Variants in CSNK1G1 observed in about 807,000 individuals in gnomAD.
The protein encoded by CSNK1G1 is casein kinase 1 gamma 1.
A neutral mutation model predicts 59.6 loss-of-function variants in CSNK1G1; 22 were observed. That is an observed-to-expected ratio of 0.37 (90% CI 0.26 to 0.53). The LOEUF is 0.53. CSNK1G1 is among the 20% of genes least tolerant of loss of function. The pLI, the probability that CSNK1G1 is intolerant of heterozygous loss-of-function variation, is 0.89. For synonymous variants in CSNK1G1, 179 were observed against 177.1 expected (o/e 1.01, Z -0.08); for missense variants, 384 against 519.5 (o/e 0.74, Z 2.54).
At chr15:64,285,367 C>T (rs1894352860) in intron 2 of CSNK1G1, among the ~76,000 whole-genome samples, 1 of 151,454 alleles carries the variant, frequency 6.6e-6, no homozygotes, top group Admixed American at 6.6e-5. Context: ...TATTGCCTAC[C>T]AAAAAAAATT....
chr15:64,269,075 A>C (rs1893138661), intron 2 of CSNK1G1, among the ~76,000 whole-genome samples: 1 of 152,202 alleles, frequency 6.6e-6, no homozygotes, highest in African/African-American at 2.4e-5. Flanking sequence ...ACCAAAAAAA[A>C]AGGGTAATTA....
intron 4 of CSNK1G1, among the ~76,000 whole-genome samples, chr15:64,236,611 G>A (rs2082620050): frequency 6.6e-6 from 1 of 152,202 alleles, no homozygotes; most frequent in Non-Finnish European, 1.5e-5. Context: ...ACTGCAGTCA[G>A]AACGGCTACT....
At chr15:64,172,363 A>T (rs1465664858) in intron 11 of CSNK1G1, among the ~76,000 whole-genome samples, 1 of 151,894 alleles carries the variant, frequency 6.6e-6, no homozygotes, top group South Asian at 2.1e-4. Flanking sequence ...TACATTGTCT[A>T]CTCCTTGATA....
chr15:64,189,561 C>T (rs2140225680), intron 10 of CSNK1G1: 1 of 916,182 alleles, frequency 1.1e-6, no homozygotes, highest in Non-Finnish European at 1.4e-6. Flanking sequence ...CTGATATAAA[C>T]AGCTGCAGGG....
chr15:64,245,023 C>T (rs1263481947), intron 4 of CSNK1G1, among the ~76,000 whole-genome samples: 1 of 152,046 alleles, frequency 6.6e-6, no homozygotes, highest in Non-Finnish European at 1.5e-5. Context: ...GTGCCAAGAA[C>T]ATTCAGTAGG....
intron 2 of CSNK1G1, among the ~76,000 whole-genome samples, chr15:64,284,666 C>A (rs61052947): frequency 0.13 from 19,238 of 151,574 alleles, 2,117 homozygotes; most frequent in African/African-American, 0.3. Flanking sequence ...ATGATCTATC[C>A]CCAGAAACAT....
At position 64,300,720 on chromosome 15, in the gene CSNK1G1, T is replaced by A. The variant is rs1360928437; in HGVS notation, c.-221A>T. 2.5e-5 allele frequency: 31 copies of A among 1,238,822 alleles called. 1 individual carries two copies. Among genetic ancestry groups the A allele is most frequent in the Non-Finnish European group, 3.0e-5 (30 of 990,930 alleles). The allele number at this position is 1,238,822 out of a possible 1,614,324, so 76.7% of individuals were successfully genotyped here. A position where few individuals can be genotyped will look rare whatever the true frequency, so the allele number is the denominator to read the frequency against. On this transcript the variant is annotated 5_prime_UTR_variant, in exon 2 of 12. Coordinates refer to ENST00000303052, the MANE Select transcript of CSNK1G1 (RefSeq NM_022048.5). ...GTCTCAATCTTAGGTGAACATCTTG[T>A]AACCTAGGTAAAAATCAAGAAAACA...
chr15:64,203,206 A>G lies in CSNK1G1; in HGVS notation c.1000-17T>C. On this transcript the variant is annotated splice_polypyrimidine_tract_variant and intron_variant, in intron 9 of 11. Coordinates refer to ENST00000303052, the MANE Select transcript of CSNK1G1 (RefSeq NM_022048.5). ...TGGAGTAGGCTAGAAAAATGAAACA[A>G]AAAGTCAAATGGGGGAAACAGGTCC... 6.4e-7 allele frequency: 1 copy of G among 1,574,174 alleles called. No individual in the cohort carries two copies.
chr15:64,228,616 C>T (rs933932061), intron 4 of CSNK1G1, among the ~76,000 whole-genome samples: 1 of 152,068 alleles, frequency 6.6e-6, no homozygotes, highest in Non-Finnish European at 1.5e-5. Context: ...AGCCTGGCAA[C>T]ACAGCAAGAC....
intron 10 of CSNK1G1, among the ~76,000 whole-genome samples, chr15:64,187,260 C>G (rs1440276676): frequency 6.6e-6 from 1 of 151,954 alleles, no homozygotes; most frequent in Non-Finnish European, 1.5e-5. Context: ...GGCATGATCT[C>G]GGCTCACTGC....
At chr15:64,298,058 G>C (rs765447589) in intron 2 of CSNK1G1, among the ~76,000 whole-genome samples, 3 of 152,164 alleles carry the variant, frequency 2.0e-5, no homozygotes, top group Non-Finnish European at 4.4e-5. Context: ...CTGACTACAG[G>C]CAAGTCCAAA....
At chr15:64,180,820 T>C (rs1055562291) in intron 10 of CSNK1G1, among the ~76,000 whole-genome samples, 5 of 152,226 alleles carry the variant, frequency 3.3e-5, no homozygotes, top group Admixed American at 2.6e-4. Flanking sequence ...TGAGGAAAAT[T>C]TGTTCTAAAC....
In CSNK1G1 at chr15:64,213,960, T is replaced by A; in HGVS notation, c.609A>T (p.Ile203=). The stretch of plus-strand genomic sequence containing the variant: ...TTAAACTTTTGTGTTCCCTATAAGG[T>A]ATGTGTTTTTTGGTTTCGGGGTCAA... ...EYIDPETKKH[I]PYREHKSLTG... Residue 203 remains isoleucine (I), a synonymous_variant, in exon 6 of 12, where the codon ATA becomes ATT. Coordinates refer to ENST00000303052, the MANE Select transcript of CSNK1G1 (RefSeq NM_022048.5). 6.2e-7 allele frequency: 1 copy of A among 1,614,126 alleles called. No homozygotes were observed. Among genetic ancestry groups the A allele is most frequent in the Non-Finnish European group, 8.5e-7 (1 of 1,180,002 alleles).
At chr15:64,219,171 T>TC (rs2082353138) in intron 4 of CSNK1G1, among the ~76,000 whole-genome samples, 1 of 152,112 alleles carries the variant, frequency 6.6e-6, no homozygotes, top group African/African-American at 2.4e-5. Flanking sequence ...AGTCTTTTTT[T>TC]CCCGGTTGTT....
intron 1 of CSNK1G1, among the ~76,000 whole-genome samples, chr15:64,309,049 G>A (rs1162997872): frequency 6.6e-6 from 1 of 152,070 alleles, no homozygotes; most frequent in Admixed American, 6.6e-5. Context: ...CTGGACCTGG[G>A]TCCTCCTTTA....
At chr15:64,209,228 G>GT (rs1256746287) in intron 6 of CSNK1G1, among the ~76,000 whole-genome samples, 1 of 152,136 alleles carries the variant, frequency 6.6e-6, no homozygotes, top group Non-Finnish European at 1.5e-5. Flanking sequence ...TCAGAATCAA[G>GT]TTTAGGGCTT....
At chr15:64,228,387 C>G (rs1039634880) in intron 4 of CSNK1G1, among the ~76,000 whole-genome samples, 8 of 152,244 alleles carry the variant, frequency 5.3e-5, no homozygotes, top group African/African-American at 1.9e-4. Context: ...GTGGCTCACG[C>G]CTGTAATCCC....
At chr15:64,251,711 T>G in intron 3 of CSNK1G1, 130 bp from the exon 4 acceptor site, 2 of 631,644 alleles carry the variant, frequency 3.2e-6, no homozygotes, top group East Asian at 5.5e-5. Context: ...TAAGAGCCTT[T>G]TCTAACCACA....
Position 64,340,538 on chromosome 15 carries a change from G to A in CSNK1G1, c.-225+15450C>T, listed in dbSNP as rs184645343. Among the ~76,000 whole-genome samples the A allele has an allele frequency of 0.015, 2,260 of 152,186 alleles. 242 individuals carry two copies. The South Asian group carries it at 0.29, about 20-fold the overall frequency. On this transcript the variant is annotated intron_variant, in intron 1 of 11. Transcript: ENST00000303052. ...TAAACCTTTTATTGTTATATGATGT[G>A]GTAGAGACTGCAGGTGGCTTTCCCA... is the stretch of plus-strand genomic sequence containing the variant.
Sources: gnomAD v4.1 joint callset for allele counts (sites outside exome capture counted in the v4.1 genomes callset) on GRCh38, gnomAD v4.1.1 for gene constraint, MANE v1.5 for transcripts, NCBI Gene and HGNC (gene_info 2026-07-23, HGNC 2026-07-21) for gene names.